VWA8: variants seen among roughly 807,000 people sequenced by gnomAD.
VWA8 encodes von Willebrand factor A domain containing 8.
VWA8 carries 221 observed loss-of-function variants against 241.5 expected under a neutral mutation model. That is an observed-to-expected ratio of 0.91 (90% CI 0.82 to 1.02). The LOEUF (loss-of-function observed/expected upper bound fraction) is 1.02. VWA8 is among the 50% of genes least tolerant of loss of function. VWA8 has a pLI of 0.00. For missense variants in VWA8, 2,322 were observed against 2,328.7 expected (o/e 1.00, Z 0.06); for synonymous variants, 852 against 827.1 (o/e 1.03, Z -0.52).
At chr13:41,811,928 G>C (rs974325039) in intron 16 of VWA8, among the ~76,000 whole-genome samples, 1 of 152,128 alleles carries the variant, frequency 6.6e-6, no homozygotes, top group Non-Finnish European at 1.5e-5. Context: ...CAGAACTCAG[G>C]ACATGGTCAG....
chr13:41,829,916 C>A (rs1871356910), intron 14 of VWA8, among the ~76,000 whole-genome samples: 1 of 151,966 alleles, frequency 6.6e-6, no homozygotes, highest in African/African-American at 2.4e-5. Context: ...CATCTGTGCC[C>A]CAAAAACTAT....
At chr13:41,756,071 G>A (rs1159612683) in intron 21 of VWA8, among the ~76,000 whole-genome samples, 1 of 151,664 alleles carries the variant, frequency 6.6e-6, no homozygotes, top group African/African-American at 2.4e-5. Context: ...ATAAACCCCT[G>A]ACAAAACTGA....
chr13:41,701,287 G>A (rs538620777), intron 28 of VWA8, 105 bp downstream of exon 28: 9 of 1,338,608 alleles, frequency 6.7e-6, no homozygotes, highest in Non-Finnish European at 6.9e-6. Flanking sequence ...AAGAATGACA[G>A]ACACCAAGTC....
intron 26 of VWA8, among the ~76,000 whole-genome samples, chr13:41,708,280 G>A (rs1427904945): frequency 6.6e-6 from 1 of 152,056 alleles, no homozygotes; most frequent in Non-Finnish European, 1.5e-5. Flanking sequence ...AGAATTGCTT[G>A]AACCCGGGAG....
chr13:41,960,912 C>G lies in VWA8; in HGVS notation c.104G>C (p.Gly35Ala). ...GACCTCCGGCCGCTGCCTGTCGCCA[C>G]CCGGCCTGCGCTGCACCACCTGCCG... ...LLRQVVQRRPGGDRQRPEVRL... is the reference protein window; with the variant it reads ...LLRQVVQRRPAGDRQRPEVRL... Residue 35 changes from glycine (G) to alanine (A), a missense_variant, in exon 1 of 45, where the codon GGT (glycine) becomes GCT (alanine). By Grantham distance (60) the Gly-to-Ala change is moderately conservative (BLOSUM62 0). Transcript: ENST00000379310. 1.3e-6 allele frequency: 2 copies of G among 1,512,426 alleles called. No individual in the cohort carries two copies. Among genetic ancestry groups the G allele is most frequent in the South Asian group, 1.2e-5 (1 of 82,680 alleles). 93.7% of individuals were successfully genotyped at this position (1,512,426 alleles called of 1,614,324 possible).
chr13:41,890,380 C>A (rs1193007445), intron 5 of VWA8, among the ~76,000 whole-genome samples: 1 of 152,216 alleles, frequency 6.6e-6, no homozygotes. Flanking sequence ...AATGTACAGG[C>A]AGAGCAGTCA....
intron 21 of VWA8, among the ~76,000 whole-genome samples, chr13:41,737,651 T>A (rs1188467064): frequency 5.9e-5 from 9 of 152,258 alleles, no homozygotes; most frequent in Admixed American, 5.9e-4. Context: ...TGAATATTTC[T>A]AGTTAATAAT....
rs559089724 is a variant in VWA8 at position 41,675,233 on chromosome 13, C to T, written c.4391G>A (p.Arg1464Gln). Residue 1464 changes from arginine to glutamine, a missense_variant, in exon 36 of 45, where the codon CGA becomes CAA. Transcript: ENST00000379310. ...EVTDLQSKKL[R>Q]YIPIPRSESL... ...GGATTACCTGGGAATAGGGATATAT[C>T]GGAGTTTCTTTGATTGAAGATCAGT... 3.0e-5 allele frequency: 49 copies of T among 1,611,812 alleles called. No homozygotes were observed. Among genetic ancestry groups the T allele is most frequent in the Admixed American group, 3.0e-4 (18 of 59,862 alleles).
chr13:41,876,981 T>C (rs1873928674), intron 9 of VWA8, among the ~76,000 whole-genome samples: 1 of 152,112 alleles, frequency 6.6e-6, no homozygotes, highest in African/African-American at 2.4e-5. Context: ...TCCATCCCCA[T>C]GAATTCAACT....
At chr13:41,571,346 C>CTCTCCCGTCTCCCTCTCCCTCTCCT (rs1491016259) in intron 43 of VWA8, among the ~76,000 whole-genome samples, 1 of 109,264 alleles carries the variant, frequency 9.2e-6, no homozygotes, top group African/African-American at 2.9e-5. Flanking sequence ...CTCCCTCTCC[C>CTCTCCCGTCTCCCTCTCCCTCTCCT]GTCTCCCTCT....
intron 37 of VWA8, among the ~76,000 whole-genome samples, chr13:41,649,826 C>T (rs1271830747): frequency 2.0e-5 from 3 of 152,172 alleles, no homozygotes; most frequent in Admixed American, 1.3e-4. Flanking sequence ...CATTCAGCCT[C>T]ACTCTGAGAA....
At chr13:41,623,176 C>A (rs977769230) in intron 37 of VWA8, among the ~76,000 whole-genome samples, 22 of 152,228 alleles carry the variant, frequency 1.4e-4, no homozygotes, top group African/African-American at 5.3e-4. Flanking sequence ...TCCCCTCCAA[C>A]ACACACACAT....
chr13:41,668,627 A>G (rs1566408470), intron 37 of VWA8, among the ~76,000 whole-genome samples: 2 of 152,190 alleles, frequency 1.3e-5, no homozygotes, highest in African/African-American at 2.4e-5. Context: ...TGTATAAACC[A>G]CTTGTAATTA....
intron 43 of VWA8, among the ~76,000 whole-genome samples, chr13:41,573,220 C>T (rs1192199306): frequency 6.6e-6 from 1 of 151,278 alleles, no homozygotes; most frequent in Admixed American, 6.6e-5. Flanking sequence ...CCAGCCTGGC[C>T]AACATAATGA....
chr13:41,849,712 C>A (rs188208738), intron 12 of VWA8, among the ~76,000 whole-genome samples: 94 of 152,216 alleles, frequency 6.2e-4, no homozygotes, highest in African/African-American at 2.2e-3. Flanking sequence ...TATGGTGAAA[C>A]CCTGTCTCTA....
Position 41,764,871 on chromosome 13 carries a change from T to A in VWA8, c.2350-3667A>T, listed in dbSNP as rs186133399. On this transcript the variant is annotated intron_variant, in intron 20 of 44. Coordinates refer to ENST00000379310, the MANE Select transcript of VWA8 (RefSeq NM_015058.2). ...CCACTGAAGTAAAGGAATAATACGA[T>A]CAGATTTTCAGTTTTAGAAAATTGC... Among the ~76,000 whole-genome samples the A allele has an allele frequency of 7.2e-5, 11 of 152,082 alleles. No homozygotes were observed. The East Asian group carries it at 2.1e-3, about 29-fold the overall frequency.
At chr13:41,568,928 GT>G (rs1315735289) in intron 44 of VWA8, among the ~76,000 whole-genome samples, 9 of 151,284 alleles carry the variant, frequency 5.9e-5, no homozygotes, top group African/African-American at 2.2e-4. Flanking sequence ...CTTATAATGG[GT>G]TTTGATTTGA....
intron 26 of VWA8, among the ~76,000 whole-genome samples, chr13:41,711,675 C>T (rs1017028711): frequency 6.6e-6 from 1 of 152,090 alleles, no homozygotes; most frequent in Non-Finnish European, 1.5e-5. Context: ...GAGATCGAGA[C>T]CATCCTAGCT....
intron 37 of VWA8, among the ~76,000 whole-genome samples, chr13:41,619,024 G>A (rs946120353): frequency 1.3e-5 from 2 of 152,152 alleles, no homozygotes; most frequent in East Asian, 1.9e-4. Context: ...GTCATTGGTC[G>A]CTTGATGGGG....
Sources: gnomAD v4.1 joint callset for allele counts (sites outside exome capture counted in the v4.1 genomes callset) on GRCh38, gnomAD v4.1.1 for gene constraint, MANE v1.5 for transcripts, NCBI Gene and HGNC (gene_info 2026-07-23, HGNC 2026-07-21) for gene names.